STYXL1: variants seen among roughly 807,000 people sequenced by gnomAD.
STYXL1 encodes serine/threonine/tyrosine-interacting-like protein 1.
Under a neutral mutation model 36.4 loss-of-function variants are expected in STYXL1, and 32 were observed. The observed-to-expected ratio is 0.88, with a 90% CI of 0.66 to 1.18. STYXL1 has a LOEUF of 1.18. Among genes scored for constraint, STYXL1 ranks in the 50% most tolerant of loss-of-function variants. The pLI is 0.00. For missense variants in STYXL1, 354 were observed against 394.1 expected, an observed-to-expected ratio of 0.90 and a Z score of 0.86; for synonymous variants, 133 against 144.1, an observed-to-expected ratio of 0.92 and a Z score of 0.55.
At position 76,000,892 on chromosome 7, in the gene STYXL1, G is replaced by A. The variant is rs782112163; in HGVS notation, c.808C>T (p.Gln270Ter). 3.5e-5 allele frequency: 57 copies of A among 1,613,250 alleles called. No homozygotes were observed. Among genetic ancestry groups the A allele is most frequent in the Non-Finnish European group, 4.7e-5 (56 of 1,179,272 alleles). Residue 270 changes from glutamine to a stop codon, truncating the protein, a stop_gained and splice_region_variant, in exon 8 of 9, where the codon CAG becomes TAG. Coordinates refer to ENST00000359697, the MANE Select transcript of STYXL1 (RefSeq NM_001317785.2). LOFTEE classifies it high-confidence loss of function. The stretch of plus-strand genomic sequence containing the variant: ...AGCCTGGCCCGGGGAACGCATACCT[G>A]CAAGGTCTGCTCGTTACTATGCATG... The part of the protein sequence containing the change: ...YLMHSNEQTL[Q>*]RSWAYVKKCK...
intron 1 of STYXL1, among the ~76,000 whole-genome samples, chr7:76,042,390 C>CTTTTTTTTTTTTTTTTTTTTTTTTT (rs528469396): frequency 2.4e-5 from 1 of 41,836 alleles, no homozygotes; most frequent in African/African-American, 6.3e-5. Context: ...CCCTTATGTG[C>CTTTTTTTTTTTTTTTTTTTTTTTTT]TTTTTTTTTT....
At chr7:76,021,616 C>T (rs1291027285) in intron 4 of STYXL1, among the ~76,000 whole-genome samples, 1 of 152,152 alleles carries the variant, frequency 6.6e-6, no homozygotes, top group African/African-American at 2.4e-5. Flanking sequence ...CCTCACCCTC[C>T]CCAATCCCCT....
intron 3 of STYXL1, among the ~76,000 whole-genome samples, chr7:76,024,985 T>C (rs943845094): frequency 7.1e-5 from 10 of 141,436 alleles, no homozygotes; most frequent in Non-Finnish European, 9.2e-5. Flanking sequence ...CAGTACGACA[T>C]ATTCTGTTTT....
rs1036020386 is a variant in STYXL1, at chr7:76,009,689, G to A, written c.453+4053C>T. On this transcript the variant is annotated intron_variant, in intron 5 of 8. Coordinates refer to ENST00000359697, the MANE Select transcript of STYXL1 (RefSeq NM_001317785.2). Reference sequence around the variant, plus strand: ...CTCCCAAAATGCTGGGATTACAGGCGTGAGCCTCCAAGCCCAGCCTTTTAA... The same window carrying A: ...CTCCCAAAATGCTGGGATTACAGGCATGAGCCTCCAAGCCCAGCCTTTTAA... Among the ~76,000 whole-genome samples, 23 of 152,294 alleles carry A rather than the reference G, an allele frequency of 1.5e-4. No homozygotes were observed. The East Asian group carries it at 3.1e-3, about 20-fold the overall frequency.
Position 76,030,329 on chromosome 7 carries a change from C to A in STYXL1, c.103+92G>T, listed in dbSNP as rs1246880032. ...ATCCCTGTTCTAAAGTCATTCACTG[C>A]CCCCCACCCCGCCAAAAGTTTGTTA... is the stretch of plus-strand genomic sequence containing the variant. On this transcript the variant is annotated intron_variant, in intron 2 of 8. Coordinates refer to ENST00000359697, the MANE Select transcript of STYXL1 (RefSeq NM_001317785.2). The A allele has an allele frequency of 1.4e-5, 12 of 886,316 alleles. No homozygotes were observed. In the Admixed American group the frequency reaches 2.2e-4, roughly 16 times the overall value. 54.9% of individuals were successfully genotyped at this position (886,316 alleles called of 1,614,324 possible). A position where few individuals can be genotyped will look rare whatever the true frequency, so the allele number is the denominator to read the frequency against.
chr7:76,025,050 C>T (rs1270369668), intron 3 of STYXL1, among the ~76,000 whole-genome samples: 2 of 148,574 alleles, frequency 1.3e-5, no homozygotes, highest in Non-Finnish European at 3.0e-5. Context: ...AACATGGCAG[C>T]ACAGTGCTGC....
At chr7:76,009,685 AGGCGTG>A (rs1554571673) in intron 5 of STYXL1, among the ~76,000 whole-genome samples, 1 of 152,232 alleles carries the variant, frequency 6.6e-6, no homozygotes, top group Non-Finnish European at 1.5e-5. Context: ...CTGGGATTAC[AGGCGTG>A]AGCCTCCAAG....
chr7:76,029,469 C>T (rs528430284), intron 2 of STYXL1, among the ~76,000 whole-genome samples: 3 of 152,092 alleles, frequency 2.0e-5, no homozygotes, highest in South Asian at 4.1e-4. Context: ...TCTAAAGCAG[C>T]GATCCCCAAT....
intron 1 of STYXL1, among the ~76,000 whole-genome samples, chr7:76,034,190 C>T (rs1283119646): frequency 6.6e-6 from 1 of 152,160 alleles, no homozygotes; most frequent in Non-Finnish European, 1.5e-5. Context: ...GCAGCCTCAA[C>T]CTCCTGGGCT....
chr7:76,044,756 G>C (rs1447846522), intron 1 of STYXL1: 1 of 152,196 alleles, frequency 6.6e-6, no homozygotes, highest in Admixed American at 6.6e-5. Flanking sequence ...CACAATCATG[G>C]CTCACTACAG....
chr7:76,030,278 C>G lies in STYXL1; in HGVS notation c.103+143G>C, dbSNP rs782611382. 1.6e-5 allele frequency: 10 copies of G among 633,400 alleles called. No individual in the cohort carries two copies. In the South Asian group the frequency reaches 1.8e-4, roughly 12 times the overall value. The allele number at this position is 633,400 out of a possible 1,614,324, so 39.2% of individuals were successfully genotyped here. On this transcript the variant is annotated intron_variant, in intron 2 of 8. Transcript: ENST00000359697. ...CCTTCCCAAGTGCTGGGATTACAGGCGTGTGCCACCACACCCAGCCCAGGG... is the reference window on the plus strand; with the variant it reads ...CCTTCCCAAGTGCTGGGATTACAGGGGTGTGCCACCACACCCAGCCCAGGG...
intron 1 of STYXL1, among the ~76,000 whole-genome samples, chr7:76,046,344 G>C (rs1157716788): frequency 2.0e-5 from 1 of 48,958 alleles, no homozygotes; most frequent in Non-Finnish European, 4.0e-5. Flanking sequence ...GTGTGTGCGC[G>C]CGCGCGCGCG....
chr7:76,034,550 T>C (rs1231483738), intron 1 of STYXL1, among the ~76,000 whole-genome samples: 4 of 152,214 alleles, frequency 2.6e-5, no homozygotes, highest in Non-Finnish European at 5.9e-5. Flanking sequence ...CAGCTCTGCA[T>C]GGAAGAATGC....
intron 1 of STYXL1, among the ~76,000 whole-genome samples, chr7:76,039,232 G>C (rs969003822): frequency 6.7e-6 from 1 of 148,844 alleles, no homozygotes; most frequent in African/African-American, 2.6e-5. Context: ...CACCGCACCC[G>C]GCCAACTAAT....
chr7:76,009,213 A>C (rs1402605308), intron 5 of STYXL1, among the ~76,000 whole-genome samples: 1 of 152,078 alleles, frequency 6.6e-6, no homozygotes, highest in Non-Finnish European at 1.5e-5. Context: ...AGTATCTCAA[A>C]TGAATATGCC....
chr7:76,034,208 T>C (rs1009493061), intron 1 of STYXL1, among the ~76,000 whole-genome samples: 10 of 152,136 alleles, frequency 6.6e-5, no homozygotes, highest in Non-Finnish European at 1.3e-4. Context: ...GCTCAAGTGA[T>C]CCTCCTACCT....
intron 7 of STYXL1, among the ~76,000 whole-genome samples, chr7:76,003,344 C>T (rs569944919): frequency 5.8e-4 from 88 of 152,344 alleles, no homozygotes; most frequent in African/African-American, 2.0e-3. Flanking sequence ...GTCTTCCTTC[C>T]ATTCCACCGA....
intron 5 of STYXL1, among the ~76,000 whole-genome samples, chr7:76,011,384 C>T (rs1554572144): frequency 6.6e-6 from 1 of 152,198 alleles, no homozygotes; most frequent in Non-Finnish European, 1.5e-5. Flanking sequence ...AAGATAAGGA[C>T]TTGTACTTTA....
chr7:76,024,717 A>G (rs1383857361), intron 3 of STYXL1, among the ~76,000 whole-genome samples: 1 of 152,054 alleles, frequency 6.6e-6, no homozygotes, highest in African/African-American at 2.4e-5. Flanking sequence ...TTGGGAGGCC[A>G]AGGCAGGCGG....
Sources: gnomAD v4.1 joint callset for allele counts (sites outside exome capture counted in the v4.1 genomes callset) on GRCh38, gnomAD v4.1.1 for gene constraint, MANE v1.5 for transcripts, NCBI Gene and HGNC (gene_info 2026-07-23, HGNC 2026-07-21) for gene names.